Variants in ANGPT2 observed in about 807,000 individuals in gnomAD.
ANGPT2 encodes angiopoietin 2.
ANGPT2 carries 28 observed loss-of-function variants against 62.9 expected under a neutral mutation model. The observed-to-expected ratio is 0.44, with a 90% confidence interval of 0.33 to 0.61. The LOEUF is 0.61. Ranked by LOEUF, ANGPT2 falls within the 20% of genes least tolerant of loss-of-function variation. The probability of loss-of-function intolerance (pLI) is 0.03; values close to 1 mark genes in which losing one functional copy is unlikely to be tolerated. For synonymous variants in ANGPT2, 284 were observed against 207.8 expected, an observed-to-expected ratio of 1.37 and a Z score of -3.15; for missense variants, 727 against 594.9, an observed-to-expected ratio of 1.22 and a Z score of -2.31.
chr8:6,514,133 C>G (rs1302216656), intron 6 of ANGPT2, among the ~76,000 whole-genome samples: 1 of 152,180 alleles, frequency 6.6e-6, no homozygotes, highest in Non-Finnish European at 1.5e-5. Context: ...ATGTGAAGCA[C>G]CATTAAACAG....
chr8:6,534,731 C>G (rs1159967359), intron 1 of ANGPT2, among the ~76,000 whole-genome samples: 1 of 152,236 alleles, frequency 6.6e-6, no homozygotes, highest in African/African-American at 2.4e-5. Context: ...TGTGAAGAGT[C>G]TGAAATCTTA....
Position 6,503,037 on chromosome 8 carries a change from T to C in ANGPT2, c.*64A>G. On this transcript the variant is annotated 3_prime_UTR_variant, in exon 9 of 9. Transcript: ENST00000629816. ...AGGACACAGTGCGCAGCCGTGACTT[T>C]CAGTGCACTGGGCTTAAGTCTTTGA... 1 of 1,591,518 alleles carries C rather than the reference T, an allele frequency of 6.3e-7. No homozygotes were observed. Among genetic ancestry groups the C allele is most frequent in the Non-Finnish European group, 8.6e-7 (1 of 1,165,482 alleles).
rs1449557463 is a variant in ANGPT2 at position 6,513,821 on chromosome 8, T to C, written c.1053A>G (p.Glu351=). 1 of 1,613,476 alleles carries C rather than the reference T, an allele frequency of 6.2e-7. No homozygotes were observed. The highest frequency in any genetic ancestry group is 1.7e-4 in the Middle Eastern group (1 of 6,058). Residue 351 remains glutamate (E), a synonymous_variant, in exon 7 of 9, where the codon GAA becomes GAG. Coordinates refer to ENST00000629816, the MANE Select transcript of ANGPT2 (RefSeq NM_001118887.2). Reference sequence around the variant, plus strand: ...AAACAAACTCATTTCCCAGCCAATATTCTCCTGAAGGGTTACCAAATCCCT... The same window carrying C: ...AAACAAACTCATTTCCCAGCCAATACTCTCCTGAAGGGTTACCAAATCCCT... ...YKVGFGNPSG[E]YWLGNEFVSQ... is the part of the protein sequence containing the mutation.
Position 6,562,967 on chromosome 8 carries a change from A to G in ANGPT2, c.-33T>C, listed in dbSNP as rs758020224. Reference sequence around the variant, plus strand: ...TCAGTAATAAACCAGCAGCTTAGCAAACTTGAGGGCAAACACACGTCCAGA... The same window carrying G: ...TCAGTAATAAACCAGCAGCTTAGCAGACTTGAGGGCAAACACACGTCCAGA... On this transcript the variant is annotated 5_prime_UTR_variant, in exon 1 of 9. Coordinates refer to ENST00000629816, the MANE Select transcript of ANGPT2 (RefSeq NM_001118887.2). 1 of 1,552,868 alleles carries G rather than the reference A, an allele frequency of 6.4e-7. No homozygotes were observed. Among genetic ancestry groups the G allele is most frequent in the Admixed American group, 1.7e-5 (1 of 57,530 alleles).
At chr8:6,547,285 G>C (rs549557553) in intron 1 of ANGPT2, among the ~76,000 whole-genome samples, 1 of 152,190 alleles carries the variant, frequency 6.6e-6, no homozygotes, top group East Asian at 1.9e-4. Flanking sequence ...CCAAATGCTT[G>C]TGGTAAAAGT....
intron 7 of ANGPT2, among the ~76,000 whole-genome samples, chr8:6,512,898 C>CT (rs1815461728): frequency 6.6e-6 from 1 of 152,230 alleles, no homozygotes; most frequent in Non-Finnish European, 1.5e-5. Flanking sequence ...CCACCTAACT[C>CT]TGCCATCTCT....
chr8:6,557,630 G>A (rs1310566257), intron 1 of ANGPT2, among the ~76,000 whole-genome samples: 1 of 150,942 alleles, frequency 6.6e-6, no homozygotes, highest in African/African-American at 2.4e-5. Flanking sequence ...AATCTTACAG[G>A]GCCATCCTAT....
At chr8:6,541,075 C>T (rs913259927) in intron 1 of ANGPT2, among the ~76,000 whole-genome samples, 81 of 152,216 alleles carry the variant, frequency 5.3e-4, no homozygotes, top group Non-Finnish European at 1.0e-3. Flanking sequence ...TTGGAGCCAA[C>T]GTCCCTAGGC....
At chr8:6,515,066 G>C (rs1815987917) in intron 5 of ANGPT2, among the ~76,000 whole-genome samples, 1 of 151,536 alleles carries the variant, frequency 6.6e-6, no homozygotes, top group Admixed American at 6.6e-5. Context: ...ACCCCACCCT[G>C]ATGGCTGGTC....
chr8:6,505,555 T>C (rs1586190658), intron 8 of ANGPT2, among the ~76,000 whole-genome samples: 1 of 102,006 alleles, frequency 9.8e-6, no homozygotes, highest in Non-Finnish European at 1.9e-5. Context: ...TATATATACT[T>C]TATATATGTA....
At chr8:6,509,238 A>G (rs116363676) in intron 7 of ANGPT2, among the ~76,000 whole-genome samples, 176 bp from the exon 8 acceptor site, 437 of 152,344 alleles carry the variant, frequency 2.9e-3, no homozygotes, top group African/African-American at 9.9e-3. Flanking sequence ...CCAACTTATC[A>G]TCAAATCCTT....
chr8:6,543,168 AAG>A (rs1586516853), intron 1 of ANGPT2, among the ~76,000 whole-genome samples: 1 of 152,090 alleles, frequency 6.6e-6, no homozygotes, highest in Non-Finnish European at 1.5e-5. Flanking sequence ...AAAAAGTTGA[AAG>A]AATTCCAATG....
chr8:6,545,167 C>T (rs1450925774), intron 1 of ANGPT2, among the ~76,000 whole-genome samples: 1 of 152,002 alleles, frequency 6.6e-6, no homozygotes. Context: ...AGAATAATGT[C>T]TTCCGGGTGG....
At chr8:6,510,523 C>T (rs1356322885) in intron 7 of ANGPT2, among the ~76,000 whole-genome samples, 2 of 152,154 alleles carry the variant, frequency 1.3e-5, no homozygotes, top group African/African-American at 2.4e-5. Flanking sequence ...GCTGGTCGGG[C>T]CAGGCCAGGT....
chr8:6,532,153 T>A (rs541693127), intron 2 of ANGPT2, among the ~76,000 whole-genome samples, 179 bp downstream of exon 2: 7 of 152,120 alleles, frequency 4.6e-5, no homozygotes, highest in African/African-American at 9.6e-5. Flanking sequence ...CAAAAACAGA[T>A]TTACTGATTT....
At chr8:6,528,725 C>G (rs1376753891) in intron 2 of ANGPT2, among the ~76,000 whole-genome samples, 2 of 152,236 alleles carry the variant, frequency 1.3e-5, no homozygotes, top group Non-Finnish European at 2.9e-5. Flanking sequence ...GATGTGATAT[C>G]ACATGCAAAT....
At chr8:6,512,374 C>T (rs150872382) in intron 7 of ANGPT2, among the ~76,000 whole-genome samples, 14 of 152,238 alleles carry the variant, frequency 9.2e-5, no homozygotes, top group African/African-American at 3.4e-4. Flanking sequence ...GGTCGTGGAG[C>T]GGAGTGTCTG....
In ANGPT2 at chr8:6,549,040, C is replaced by T. The variant is rs564060925; in HGVS notation, c.288+13607G>A. Among the ~76,000 whole-genome samples, 299 of 152,278 alleles carry T rather than the reference C, an allele frequency of 2.0e-3. 2 individuals are homozygous for T. The highest frequency in any genetic ancestry group is 3.5e-3 in the Non-Finnish European group (236 of 68,020). On this transcript the variant is annotated intron_variant, in intron 1 of 8. Transcript: ENST00000629816. ...CGGAATAAACACCAAGACCACTCAG[C>T]GTATTTTCTGCAGAGTGGATTTCAT... is the stretch of plus-strand genomic sequence containing the variant.
At chr8:6,537,918 T>C (rs1003578055) in intron 1 of ANGPT2, among the ~76,000 whole-genome samples, 6 of 152,172 alleles carry the variant, frequency 3.9e-5, no homozygotes, top group Admixed American at 3.3e-4. Context: ...TCCTTAGACC[T>C]TTTTACTAAT....
Sources: allele counts gnomAD v4.1 joint callset (sites outside exome capture counted in the v4.1 genomes callset), GRCh38; gene constraint gnomAD v4.1.1; transcripts MANE v1.5; gene names NCBI Gene and HGNC (gene_info 2026-07-23, HGNC 2026-07-21).